The following TSC2 variants were observed in gnomAD, a reference collection of about 807,000 sequenced individuals.
TSC2 encodes tuberin.
A neutral mutation model predicts 202.2 loss-of-function variants in TSC2; 29 were observed. The ratio of observed to expected loss-of-function variants is 0.14; its 90% CI spans 0.11 to 0.20. The LOEUF is 0.20. TSC2 is among the 10% of genes least tolerant of loss of function. The pLI is 1.00. For synonymous variants in TSC2, 1,349 were observed against 1,044.0 expected, an observed-to-expected ratio of 1.29 and a Z score of -5.63; for missense variants, 2,429 against 2,420.0, an observed-to-expected ratio of 1.00 and a Z score of -0.08.
At position 2,088,864 on chromosome 16, in the gene TSC2, C is replaced by G. The variant is rs1367036961; in HGVS notation, c.*254C>G. ...GAGGCTGCCTGGGCCATACAGCACA[C>G]TCGCGCGTGCGCGCGCGCACACACA... On this transcript the variant is annotated 3_prime_UTR_variant, in exon 42 of 42. Transcript: ENST00000219476. 1 of 532,208 alleles carries G rather than the reference C, an allele frequency of 1.9e-6. No homozygotes were observed. The highest frequency in any genetic ancestry group is 2.6e-5 in the African/African-American group (1 of 38,956). 33.0% of individuals were successfully genotyped at this position (532,208 alleles called of 1,614,324 possible). A position where few individuals can be genotyped will look rare whatever the true frequency, so the allele number is the denominator to read the frequency against.
At chr16:2,080,640 C>G (rs112784562) in intron 30 of TSC2, 1 of 484,158 alleles carries the variant, frequency 2.1e-6, no homozygotes, top group African/African-American at 1.9e-5. Context: ...CCCGCCACCA[C>G]GCCTGGCCAA....
At chr16:2,080,629 GC>G (rs2090014819) in intron 30 of TSC2, 1 of 516,822 alleles carries the variant, frequency 1.9e-6, no homozygotes, top group Non-Finnish European at 3.5e-6. Flanking sequence ...GACCACAGGC[GC>G]CCGCCACCAC....
In TSC2 at chr16:2,085,295, C is replaced by T. The variant is rs757388437; in HGVS notation, c.4635C>T (p.Ile1545=). 5.0e-6 allele frequency: 8 copies of T among 1,612,748 alleles called. No homozygotes were observed. Among genetic ancestry groups the T allele is most frequent in the South Asian group, 1.1e-5 (1 of 91,084 alleles). The change falls in exon 36 of 42, where the codon ATC becomes ATT. Residue 1545 remains isoleucine, a synonymous_variant. Coordinates refer to ENST00000219476, the MANE Select transcript of TSC2 (RefSeq NM_000548.5). ...TCCCATCATACGACACCCACAAGAT[C>T]GCCGTCCTGTATGTTGGAGAAGGCC... ...DQIPSYDTHK[I]AVLYVGEGQS...
chr16:2,071,357 C>A, intron 17 of TSC2, 153 bp from the exon 18 acceptor site: 1 of 751,884 alleles, frequency 1.3e-6, no homozygotes, highest in Non-Finnish European at 2.3e-6. Context: ...AGGACAGAGC[C>A]TGTGTCTGTG....
At chr16:2,050,645 A>G (rs546274651) in intron 3 of TSC2, among the ~76,000 whole-genome samples, 159 bp downstream of exon 3, 2 of 131,932 alleles carry the variant, frequency 1.5e-5, no homozygotes, top group East Asian at 4.4e-4. Flanking sequence ...TCTGTCGCCC[A>G]GGCTGGCACA....
At chr16:2,071,462 G>A (rs765959740) in intron 17 of TSC2, 48 bp from the exon 18 acceptor site, 4 of 1,606,784 alleles carry the variant, frequency 2.5e-6, no homozygotes, top group African/African-American at 2.7e-5. Flanking sequence ...CGCCTGTCCT[G>A]GGCCTGCACG....
At chr16:2,078,342 C>T (rs1427744165) in intron 26 of TSC2, 1 of 162,564 alleles carries the variant, frequency 6.2e-6, no homozygotes, top group Non-Finnish European at 1.3e-5. Context: ...TACCTGTCTC[C>T]TCCTGGAAGC....
At chr16:2,087,485 T>TG (rs60318294) in intron 38 of TSC2, among the ~76,000 whole-genome samples, 1,313 of 80,082 alleles carry the variant, frequency 0.016, 47 homozygotes, top group East Asian at 0.12. Context: ...GACAACCAGT[T>TG]GGGGGGGGGG....
chr16:2,077,441 C>T (rs1596373696), intron 25 of TSC2, 157 bp from the exon 26 acceptor site: 2 of 1,059,652 alleles, frequency 1.9e-6, no homozygotes, highest in East Asian at 2.4e-5. Context: ...CGCTAACTGC[C>T]CTTTGGCATG....
chr16:2,074,487 C>G (rs917275942), intron 22 of TSC2, 98 bp downstream of exon 22: 1 of 1,470,482 alleles, frequency 6.8e-7, no homozygotes, highest in African/African-American at 1.4e-5. Context: ...CCTTGGGGAA[C>G]CTGGGTGTCT....
chr16:2,061,604 A>T (rs2086642094), intron 11 of TSC2: 1 of 533,512 alleles, frequency 1.9e-6, no homozygotes, highest in South Asian at 2.0e-5. Context: ...AGCAGCTGCC[A>T]TCACAGCCAC....
chr16:2,077,959 G>C (rs1040567693), intron 26 of TSC2, among the ~76,000 whole-genome samples: 11 of 152,200 alleles, frequency 7.2e-5, no homozygotes, highest in African/African-American at 2.4e-4. Flanking sequence ...CGCTCCGAGA[G>C]AGCCAGGCGT....
rs375837026 is a variant in TSC2 at position 2,079,434 on chromosome 16, T to G, written c.3284+6T>G. 3.1e-6 allele frequency: 5 copies of G among 1,612,436 alleles called. No individual in the cohort carries two copies. Among genetic ancestry groups the G allele is most frequent in the Non-Finnish European group, 3.4e-6 (4 of 1,179,918 alleles). On this transcript the variant is annotated splice_donor_region_variant and intron_variant, in intron 28 of 41. Transcript: ENST00000219476. This position sits in a 1 kb window ranked among gnomAD's most constrained non-coding sequence, Gnocchi z 4.6. ...CAGTCCGGCCCGGAGTCGAGGTGACTGCACCTTCCTTTCCTCCGCGCCTGC... is the reference window on the plus strand; with the variant it reads ...CAGTCCGGCCCGGAGTCGAGGTGACGGCACCTTCCTTTCCTCCGCGCCTGC...
At chr16:2,086,922 T>C in intron 38 of TSC2, 51 bp downstream of exon 38, 3 of 1,550,592 alleles carry the variant, frequency 1.9e-6, no homozygotes, top group Non-Finnish European at 2.6e-6. Flanking sequence ...TGCCCACTGC[T>C]GTGTCCCGGG....
chr16:2,054,335 G>A lies in TSC2; in HGVS notation c.376G>A (p.Val126Ile), dbSNP rs1458070269. 1 of 1,614,178 alleles carries A rather than the reference G, an allele frequency of 6.2e-7. No homozygotes were observed. Among genetic ancestry groups the A allele is most frequent in the Non-Finnish European group, 8.5e-7 (1 of 1,180,006 alleles). Residue 126 changes from valine (V) to isoleucine (I), a missense_variant, in exon 5 of 42, where the codon GTC becomes ATC. Val to Ile is a conservative substitution (Grantham distance 29). Coordinates refer to ENST00000219476, the MANE Select transcript of TSC2 (RefSeq NM_000548.5). ...LGVLRALFFK[V>I]IKDYPSNEDL... ...GGTCCTCAGAGCCCTCTTCTTTAAG[G>A]TCATCAAGGATTACCCTTCCAACGA...
In TSC2 at chr16:2,055,983, GT is replaced by G. The variant is rs572448627; in HGVS notation, c.600-211del. 671 of 637,642 alleles carry G rather than the reference GT, an allele frequency of 1.1e-3. 2 individuals are homozygous for G. The African/African-American group carries it at 0.011, about 10-fold the overall frequency. The allele number at this position is 637,642 out of a possible 1,614,324, so 39.5% of individuals were successfully genotyped here. On this transcript the variant is annotated intron_variant, in intron 6 of 41. Coordinates refer to ENST00000219476, the MANE Select transcript of TSC2 (RefSeq NM_000548.5). ...TATCTTTTTGTTGTTTGTTTAGAAT[GT>G]TGCATGAGCTCTGTCTCACTCATGC...
rs1185810797 is a variant in TSC2 at position 2,048,772 on chromosome 16, T to C, written c.138+19T>C. On this transcript the variant is annotated intron_variant, in intron 2 of 41. Coordinates refer to ENST00000219476, the MANE Select transcript of TSC2 (RefSeq NM_000548.5). ...ACTGAGAGTGAGTGAGCTACCTGTG[T>C]CTTTGCTAGGCTAGAGGGAAATGCA... 1.2e-6 allele frequency: 2 copies of C among 1,613,956 alleles called. No individual in the cohort carries two copies. The highest frequency in any genetic ancestry group is 1.7e-5 in the Admixed American group (1 of 60,014).
At chr16:2,050,879 G>A (rs143422597) in intron 3 of TSC2, among the ~76,000 whole-genome samples, 2,136 of 152,114 alleles carry the variant, frequency 0.014, 62 homozygotes, top group Admixed American at 0.085. Context: ...GAGCCACTGC[G>A]CCCAGCCAGT....
rs771943476 is a variant in TSC2 at position 2,060,756 on chromosome 16, G to C, written c.1062G>C (p.Gln354His). ...RLIKKYRKEL[Q>H]VVAWDILLNI... ...TCAAGAAGTATAGGAAGGAGCTCCA[G>C]GTGGTGGCGTGGGACATTCTGCTGA... Residue 354 changes from glutamine to histidine, a missense_variant, in exon 11 of 42, where the codon CAG (glutamine) becomes CAC (histidine). Coordinates refer to ENST00000219476, the MANE Select transcript of TSC2 (RefSeq NM_000548.5). The C allele has an allele frequency of 1.2e-6, 2 of 1,614,146 alleles. No homozygotes were observed. The highest frequency in any genetic ancestry group is 1.1e-5 in the South Asian group (1 of 91,088).
Sources: allele counts gnomAD v4.1 joint callset (sites outside exome capture counted in the v4.1 genomes callset), GRCh38; gene constraint gnomAD v4.1.1; non-coding constraint Gnocchi (gnomAD v3.1); transcripts MANE v1.5; gene names NCBI Gene and HGNC (gene_info 2026-07-23, HGNC 2026-07-21).